The following ZMYM2 variants were observed in gnomAD, a reference collection of about 807,000 sequenced individuals.
ZMYM2 encodes the protein zinc finger MYM-type containing 2, also known as zinc finger MYM-type protein 2.
A neutral mutation model predicts 162.8 loss-of-function variants in ZMYM2; 56 were observed. The observed-to-expected ratio is 0.34, with a 90% CI of 0.28 to 0.43. The LOEUF (loss-of-function observed/expected upper bound fraction) is 0.43, where lower values mean the gene tolerates loss of function less well. Ranked by LOEUF, ZMYM2 falls within the 20% of genes least tolerant of loss-of-function variation. The pLI, the probability that ZMYM2 is intolerant of heterozygous loss-of-function variation, is 1.00. For synonymous variants in ZMYM2, 510 were observed against 541.6 expected (o/e 0.94, Z 0.81); for missense variants, 1,275 against 1,621.8 (o/e 0.79, Z 3.67).
intron 12 of ZMYM2, among the ~76,000 whole-genome samples, chr13:20,041,058 A>G (rs1954200040): frequency 6.6e-6 from 1 of 152,174 alleles, no homozygotes; most frequent in South Asian, 2.1e-4. Context: ...GCCATGTGAC[A>G]GTGAGAAGAA....
chr13:19,955,488 G>C (rs1246342974), upstream of ZMYM2, among the ~76,000 whole-genome samples: 1 of 152,272 alleles, frequency 6.6e-6, no homozygotes, highest in African/African-American at 2.4e-5. Context: ...AATTCAGATG[G>C]GGGCAGTCTG....
chr13:19,905,722 T>A, the ZMYM2 span, among the ~76,000 whole-genome samples: 1 of 152,256 alleles, frequency 6.6e-6, no homozygotes, highest in Non-Finnish European at 1.5e-5. Context: ...CCTACCTTGC[T>A]GTTTCCCTGC....
intron 21 of ZMYM2, among the ~76,000 whole-genome samples, chr13:20,074,543 C>CT (rs113280014): frequency 0.035 from 4,975 of 142,938 alleles, 88 homozygotes; most frequent in Middle Eastern, 0.062. Flanking sequence ...GGCTTCCTTC[C>CT]TTTTTTTTTT....
chr13:20,023,161 G>A (rs1952268058), intron 7 of ZMYM2, among the ~76,000 whole-genome samples: 1 of 152,262 alleles, frequency 6.6e-6, no homozygotes, highest in Admixed American at 6.5e-5. Flanking sequence ...CCTCCAATCA[G>A]AGTGAAAGAG....
At chr13:19,884,768 T>C in the ZMYM2 span, among the ~76,000 whole-genome samples, 1 of 152,044 alleles carries the variant, frequency 6.6e-6, no homozygotes, top group South Asian at 2.1e-4. Context: ...TTCAACATAG[T>C]GCCGACGCCC....
chr13:20,030,989 A>T (rs1953076180), intron 9 of ZMYM2, among the ~76,000 whole-genome samples: 1 of 152,208 alleles, frequency 6.6e-6, no homozygotes, highest in African/African-American at 2.4e-5. Context: ...CTGTTAGTTC[A>T]GAACGTGGGC....
the ZMYM2 span, among the ~76,000 whole-genome samples, chr13:19,884,081 T>C: frequency 6.6e-6 from 1 of 152,142 alleles, no homozygotes; most frequent in Non-Finnish European, 1.5e-5. Flanking sequence ...CTTTAAAAGT[T>C]AAGTTTCTGC....
chr13:19,884,405 T>C, the ZMYM2 span, among the ~76,000 whole-genome samples: 1 of 152,080 alleles, frequency 6.6e-6, no homozygotes. Flanking sequence ...ATAACCCCCA[T>C]CTATGACTAA....
the ZMYM2 span, among the ~76,000 whole-genome samples, chr13:19,907,983 A>C: frequency 6.6e-6 from 1 of 152,080 alleles, no homozygotes; most frequent in Non-Finnish European, 1.5e-5. Flanking sequence ...ATTTTGCAGT[A>C]TACTTTCTCT....
At chr13:20,011,885 A>G (rs758364371) in intron 6 of ZMYM2, among the ~76,000 whole-genome samples, 1 of 151,792 alleles carries the variant, frequency 6.6e-6, no homozygotes, top group Non-Finnish European at 1.5e-5. Flanking sequence ...AGTAGCTGGG[A>G]TTACAGGCGC....
At chr13:19,887,631 C>A in the ZMYM2 span, among the ~76,000 whole-genome samples, 2 of 151,562 alleles carry the variant, frequency 1.3e-5, no homozygotes, top group Non-Finnish European at 2.9e-5. Context: ...TCTGGTTACT[C>A]AGTGGTAGAG....
At chr13:19,950,026 A>C in the ZMYM2 span, among the ~76,000 whole-genome samples, 1 of 151,798 alleles carries the variant, frequency 6.6e-6, no homozygotes, top group Non-Finnish European at 1.5e-5. Flanking sequence ...TAATTCCAAC[A>C]CTTTGGGAGA....
the ZMYM2 span, among the ~76,000 whole-genome samples, chr13:19,895,369 G>A: frequency 6.6e-6 from 1 of 151,758 alleles, no homozygotes; most frequent in South Asian, 2.1e-4. Flanking sequence ...CTTAAACTGG[G>A]TGATTTATAA....
the ZMYM2 span, among the ~76,000 whole-genome samples, chr13:19,888,222 T>C: frequency 1.3e-5 from 2 of 151,642 alleles, no homozygotes; most frequent in African/African-American, 2.4e-5. Flanking sequence ...AGTGTCTCAC[T>C]CTGTTGCCCA....
the ZMYM2 span, among the ~76,000 whole-genome samples, chr13:19,927,582 T>C: frequency 2.0e-5 from 3 of 152,224 alleles, no homozygotes; most frequent in East Asian, 5.8e-4. Context: ...AGTTATTTGC[T>C]GTTAAGGATG....
At chr13:19,864,554 T>A in the ZMYM2 span, 1 of 153,616 alleles carries the variant, frequency 6.5e-6, no homozygotes, top group Admixed American at 6.5e-5. Flanking sequence ...GCAGGCTCCC[T>A]TGGAGCTGGG....
At chr13:19,940,794 A>C in the ZMYM2 span, among the ~76,000 whole-genome samples, 9 of 152,184 alleles carry the variant, frequency 5.9e-5, no homozygotes, top group Admixed American at 2.0e-4. Context: ...TCCTACTGTA[A>C]ACTCTAGGAC....
At chr13:20,005,602 G>T (rs532234744) in intron 5 of ZMYM2, among the ~76,000 whole-genome samples, 1 of 152,140 alleles carries the variant, frequency 6.6e-6, no homozygotes, top group South Asian at 2.1e-4. Flanking sequence ...AAATAATTTT[G>T]CTGAGAAGTA....
intron 14 of ZMYM2, among the ~76,000 whole-genome samples, chr13:20,056,779 T>G (rs1328190901): frequency 6.6e-6 from 1 of 152,178 alleles, no homozygotes; most frequent in African/African-American, 2.4e-5. Context: ...CAGAATGGAA[T>G]TCTGTCTTGG....
Sources: allele counts gnomAD v4.1 joint callset (sites outside exome capture counted in the v4.1 genomes callset), GRCh38; gene constraint gnomAD v4.1.1; transcripts MANE v1.5; gene names NCBI Gene and HGNC (gene_info 2026-07-23, HGNC 2026-07-21).